Variants in DMD observed in about 807,000 individuals in gnomAD.
DMD encodes dystrophin, also known as mutant dystrophin.
DMD carries 63 observed loss-of-function variants against 330.1 expected under a neutral mutation model. The observed-to-expected ratio is 0.19, with a 90% CI of 0.16 to 0.24. The LOEUF (loss-of-function observed/expected upper bound fraction) is 0.24, where lower values mean the gene tolerates loss of function less well. Ranked by LOEUF, DMD falls within the 10% of genes least tolerant of loss-of-function variation. The probability of loss-of-function intolerance (pLI) is 1.00; values close to 1 mark genes in which losing one functional copy is unlikely to be tolerated. For missense variants in DMD, 3,344 were observed against 2,684.1 expected, an observed-to-expected ratio of 1.25 and a Z score of -5.43; for synonymous variants, 1,223 against 959.8, an observed-to-expected ratio of 1.27 and a Z score of -5.07.
intron 46 of DMD, 86 bp from the exon 47 acceptor site, chrX:31,929,831 C>A: frequency 1.5e-5 from 16 of 1,082,105 alleles, no homozygotes; most frequent in African/African-American, 1.8e-5. Context: ...ATTAGTCTAT[C>A]AAAATGAAGC....
In DMD at chrX:33,041,317, A is replaced by C. The variant is rs1046756199; in HGVS notation, c.32-21117T>G. On this transcript the variant is annotated intron_variant, in intron 1 of 78. Transcript: ENST00000357033. ...CATGCGCGCCGGCGACCAAGCCTAAATAGCTACCGCCTCTGCGCGTCGCCC... is the reference window on the plus strand; with the variant it reads ...CATGCGCGCCGGCGACCAAGCCTAACTAGCTACCGCCTCTGCGCGTCGCCC... 2.2e-5 allele frequency: 24 copies of C among 1,081,664 alleles called. No homozygotes were observed. In the East Asian group the frequency reaches 5.3e-4, roughly 24 times the overall value. The allele number at this position is 1,081,664 out of a possible 1,213,427, so 89.1% of individuals were successfully genotyped here.
chrX:32,010,184 T>A (rs749273294), intron 44 of DMD, among the ~76,000 whole-genome samples: 6 of 112,043 alleles, frequency 5.4e-5, no homozygotes, highest in African/African-American at 1.9e-4. Flanking sequence ...ATAATGAATG[T>A]TGTGCGCATT....
intron 9 of DMD, among the ~76,000 whole-genome samples, chrX:32,668,502 G>T (rs189927350): frequency 4.8e-4 from 54 of 111,816 alleles, no homozygotes; most frequent in African/African-American, 1.6e-3. Flanking sequence ...AGGTTCCTTC[G>T]CATCTCTGCA....
intron 29 of DMD, among the ~76,000 whole-genome samples, chrX:32,421,378 C>T (rs1469960088): frequency 8.9e-6 from 1 of 111,925 alleles, no homozygotes; most frequent in Non-Finnish European, 1.9e-5. Context: ...GGATCTTTGG[C>T]TCTGATATGA....
At chrX:31,445,953 A>G (rs955313202) in intron 59 of DMD, among the ~76,000 whole-genome samples, 3 of 112,262 alleles carry the variant, frequency 2.7e-5, no homozygotes, top group Non-Finnish European at 5.6e-5. Context: ...GTACAAGGAC[A>G]GCACCACTTG....
chrX:32,807,430 C>A (rs1053549877), intron 7 of DMD, among the ~76,000 whole-genome samples: 2 of 111,059 alleles, frequency 1.8e-5, no homozygotes, highest in African/African-American at 6.5e-5. Flanking sequence ...ATTGGGAAAA[C>A]GAGACCATAA....
intron 1 of DMD, among the ~76,000 whole-genome samples, chrX:33,321,598 G>A (rs891923778): frequency 2.7e-5 from 3 of 111,250 alleles, no homozygotes; most frequent in Non-Finnish European, 5.7e-5. Flanking sequence ...TTTTCAGAAT[G>A]GTAAATGAGC....
chrX:32,824,856 A>G (rs1214515793), intron 4 of DMD, among the ~76,000 whole-genome samples: 1 of 111,903 alleles, frequency 8.9e-6, no homozygotes, highest in African/African-American at 3.2e-5. Context: ...TAGTTTTATA[A>G]GATGTTACTA....
At chrX:32,909,172 A>AAAAAAAAAG in intron 2 of DMD, among the ~76,000 whole-genome samples, 1 of 104,151 alleles carries the variant, frequency 9.6e-6, no homozygotes, top group Non-Finnish European at 1.9e-5. Flanking sequence ...AAAAAAAAAA[A>AAAAAAAAAG]AGTAACCTGA....
intron 47 of DMD, among the ~76,000 whole-genome samples, chrX:31,894,827 T>C (rs975844248): frequency 8.9e-6 from 1 of 111,965 alleles, no homozygotes; most frequent in African/African-American, 3.2e-5. Flanking sequence ...TCTGAAGCCA[T>C]GGTCTTTTTC....
chrX:32,898,065 C>A (rs1478792086), intron 2 of DMD, among the ~76,000 whole-genome samples: 1 of 111,999 alleles, frequency 8.9e-6, no homozygotes, highest in Non-Finnish European at 1.9e-5. Flanking sequence ...TATATTTGAG[C>A]CTCCACGTAA....
chrX:32,888,344 T>C (rs774072953), intron 2 of DMD, among the ~76,000 whole-genome samples: 1 of 110,210 alleles, frequency 9.1e-6, no homozygotes, highest in East Asian at 2.9e-4. Context: ...CGGTCTGTCA[T>C]GTTCCCCTCC....
intron 74 of DMD, among the ~76,000 whole-genome samples, chrX:31,157,117 A>G (rs1476640342): frequency 8.9e-6 from 1 of 111,973 alleles, no homozygotes; most frequent in Non-Finnish European, 1.9e-5. Flanking sequence ...ATCATTGCTG[A>G]AATAAAATAT....
chrX:31,606,110 A>C (rs1218545728), intron 55 of DMD, among the ~76,000 whole-genome samples: 1 of 110,981 alleles, frequency 9.0e-6, no homozygotes. Flanking sequence ...TGGTTTTATA[A>C]GGGGCTCTTC....
intron 60 of DMD, among the ~76,000 whole-genome samples, chrX:31,395,813 A>AT (rs1181811562): frequency 2.7e-5 from 3 of 112,263 alleles, no homozygotes; most frequent in African/African-American, 9.7e-5. Flanking sequence ...GCCACTGTAG[A>AT]TAGCTTCTGT....
chrX:32,115,224 T>C (rs989602648), intron 44 of DMD, among the ~76,000 whole-genome samples: 1 of 111,451 alleles, frequency 9.0e-6, no homozygotes, highest in Non-Finnish European at 1.9e-5. Context: ...TAAGGGCCTA[T>C]GACTGCCACA....
At chrX:32,863,626 A>G (rs749419279) in intron 2 of DMD, among the ~76,000 whole-genome samples, 33 of 109,442 alleles carry the variant, frequency 3.0e-4, no homozygotes, top group South Asian at 2.8e-3. Context: ...ACAAACATCT[A>G]TGAGTACTCA....
In DMD at chrX:31,496,799, C is replaced by T. The variant is rs753351870; in HGVS notation, c.8536G>A (p.Asp2846Asn). The T allele has an allele frequency of 3.3e-6, 4 of 1,212,053 alleles. No homozygotes were observed. The highest frequency in any genetic ancestry group is 4.5e-6 in the Non-Finnish European group (4 of 895,565). ...TAAAAATGTCCTACCCTATGTACAT[C>T]GTTCTGCTTCTGAACTGCTGGAAAG... ...GDFPAVQKQN[D>N]VHRAFKRELK... Residue 2846 changes from aspartate to asparagine, a missense_variant, in exon 57 of 79, where the codon GAT (aspartate) becomes AAT (asparagine). Transcript: ENST00000357033.
intron 1 of DMD, among the ~76,000 whole-genome samples, chrX:33,281,989 T>C (rs767556886): frequency 1.8e-5 from 2 of 109,775 alleles, no homozygotes; most frequent in Non-Finnish European, 3.8e-5. Flanking sequence ...AGAATCCCTA[T>C]ACTGGTACCC....
Sources: allele counts gnomAD v4.1 joint callset (sites outside exome capture counted in the v4.1 genomes callset), GRCh38; gene constraint gnomAD v4.1.1; transcripts MANE v1.5; gene names NCBI Gene and HGNC (gene_info 2026-07-23, HGNC 2026-07-21).